Variants in RAB2A observed in about 807,000 individuals in gnomAD.
RAB2A encodes ras-related protein Rab-2A.
In RAB2A, 7 loss-of-function variants were observed where a neutral mutation model predicts 32.5. The ratio of observed to expected loss-of-function variants is 0.22; its 90% CI spans 0.12 to 0.40. The LOEUF (loss-of-function observed/expected upper bound fraction) is 0.40. Ranked by LOEUF, RAB2A falls within the 10% of genes least tolerant of loss-of-function variation. The pLI is 1.00. For missense variants in RAB2A, 108 were observed against 260.7 expected (o/e 0.41, Z 4.03); for synonymous variants, 79 against 85.2 (o/e 0.93, Z 0.40).
At chr8:60,599,574 G>A (rs1804095308) in intron 6 of RAB2A, among the ~76,000 whole-genome samples, 1 of 152,080 alleles carries the variant, frequency 6.6e-6, no homozygotes, top group African/African-American at 2.4e-5. Context: ...ACTGGTAAAG[G>A]GATAGACACA....
At chr8:60,537,227 A>AT (rs556291118) in intron 1 of RAB2A, among the ~76,000 whole-genome samples, 141 of 150,130 alleles carry the variant, frequency 9.4e-4, no homozygotes, top group African/African-American at 2.5e-3. Context: ...TTTTGTTATA[A>AT]TTTTTTTTTT....
At chr8:60,620,605 G>T (rs747244799) in intron 7 of RAB2A, 69 bp from the exon 8 acceptor site, 55 of 1,118,176 alleles carry the variant, frequency 4.9e-5, no homozygotes, top group Non-Finnish European at 7.4e-5. Context: ...AGAATTAAAT[G>T]AGTTTTTTAA....
chr8:60,612,091 A>G lies in RAB2A; in HGVS notation c.475-6489A>G, dbSNP rs527862327. Among the ~76,000 whole-genome samples, 8 of 152,220 alleles carry G rather than the reference A, an allele frequency of 5.3e-5. No homozygotes were observed. In the East Asian group the frequency reaches 1.5e-3, roughly 29 times the overall value. Reference sequence around the variant, plus strand: ...CTGTCATCTAGGTTTTAAGCCCCACATGCATTAGGTATTTGTCCTAATGCT... The same window carrying G: ...CTGTCATCTAGGTTTTAAGCCCCACGTGCATTAGGTATTTGTCCTAATGCT... On this transcript the variant is annotated intron_variant, in intron 6 of 7. Coordinates refer to ENST00000262646, the MANE Select transcript of RAB2A (RefSeq NM_002865.3).
At chr8:60,562,576 G>A (rs1303940933) in intron 2 of RAB2A, among the ~76,000 whole-genome samples, 1 of 152,076 alleles carries the variant, frequency 6.6e-6, no homozygotes, top group East Asian at 1.9e-4. Context: ...GAATGTAAAT[G>A]TGCTCTATAC....
At chr8:60,520,652 GT>G (rs1329449282) in intron 1 of RAB2A, among the ~76,000 whole-genome samples, 1 of 152,124 alleles carries the variant, frequency 6.6e-6, no homozygotes, top group Admixed American at 6.6e-5. Flanking sequence ...TCTTTTGAGA[GT>G]TTAACAAATC....
At chr8:60,571,889 C>T in intron 2 of RAB2A, among the ~76,000 whole-genome samples, 157 bp from the exon 3 acceptor site, 1 of 152,164 alleles carries the variant, frequency 6.6e-6, no homozygotes, top group South Asian at 2.1e-4. Context: ...TCTTCCTTAG[C>T]TTATGTATTT....
chr8:60,614,200 A>G (rs537214794), intron 6 of RAB2A, among the ~76,000 whole-genome samples: 2 of 105,036 alleles, frequency 1.9e-5, no homozygotes, highest in Admixed American at 1.9e-4. Context: ...TTAGCACAAT[A>G]TCCGTGAGAC....
intron 1 of RAB2A, among the ~76,000 whole-genome samples, chr8:60,547,579 C>T: frequency 7.9e-6 from 1 of 126,338 alleles, no homozygotes; most frequent in Non-Finnish European, 1.7e-5. Context: ...CAGAGGGGCT[C>T]CTCACTTCCC....
intron 6 of RAB2A, among the ~76,000 whole-genome samples, chr8:60,597,441 TGGG>T (rs1337528334): frequency 1.3e-5 from 2 of 151,916 alleles, no homozygotes; most frequent in African/African-American, 4.8e-5. Flanking sequence ...CAGGGCCTGT[TGGG>T]GGGTGGGGGC....
intron 3 of RAB2A, among the ~76,000 whole-genome samples, chr8:60,579,065 C>G (rs1030321542): frequency 3.3e-5 from 5 of 152,104 alleles, no homozygotes; most frequent in Non-Finnish European, 5.9e-5. Context: ...GTTTTTGAGA[C>G]AGAGTCCAGC....
chr8:60,517,136 G>A lies in RAB2A; in HGVS notation c.-72G>A. On this transcript the variant is annotated 5_prime_UTR_variant, in exon 1 of 8. Coordinates refer to ENST00000262646, the MANE Select transcript of RAB2A (RefSeq NM_002865.3). ...TGGCGTTTCGAGGCTGAGCGGCACC[G>A]GGGTTGGGGCGCGGAGGAGGAGCAG... is the stretch of plus-strand genomic sequence containing the variant. 7.0e-7 allele frequency: 1 copy of A among 1,426,908 alleles called. No individual in the cohort carries two copies. Among genetic ancestry groups the A allele is most frequent in the Non-Finnish European group, 9.3e-7 (1 of 1,079,176 alleles). The allele number at this position is 1,426,908 out of a possible 1,614,324, so 88.4% of individuals were successfully genotyped here. A position where few individuals can be genotyped will look rare whatever the true frequency, so the allele number is the denominator to read the frequency against.
chr8:60,546,929 G>C (rs1255449999), intron 1 of RAB2A, among the ~76,000 whole-genome samples: 1 of 139,288 alleles, frequency 7.2e-6, no homozygotes, highest in African/African-American at 2.7e-5. Context: ...GATCATTCTT[G>C]GGTGTTTCTC....
chr8:60,540,026 A>G (rs1240219742), intron 1 of RAB2A, among the ~76,000 whole-genome samples: 2 of 151,790 alleles, frequency 1.3e-5, no homozygotes, highest in Admixed American at 6.6e-5. Context: ...TTTGAACTCT[A>G]TTTTGTAGAC....
At chr8:60,569,922 G>C (rs563929127) in intron 2 of RAB2A, 1 of 455,762 alleles carries the variant, frequency 2.2e-6, no homozygotes, top group Non-Finnish European at 4.4e-6. Context: ...GGAACCTACA[G>C]TAAGTTGGAA....
intron 3 of RAB2A, among the ~76,000 whole-genome samples, chr8:60,581,854 A>G (rs1803761152): frequency 6.6e-6 from 1 of 152,098 alleles, no homozygotes; most frequent in African/African-American, 2.4e-5. Context: ...TAAAAAAATA[A>G]AAAATAATAA....
intron 1 of RAB2A, among the ~76,000 whole-genome samples, chr8:60,530,418 T>A (rs908608216): frequency 3.9e-5 from 6 of 152,034 alleles, no homozygotes; most frequent in Non-Finnish European, 8.8e-5. Flanking sequence ...AGTGCTGGGA[T>A]TACTAATGTG....
At chr8:60,596,650 C>T (rs570174422) in intron 6 of RAB2A, among the ~76,000 whole-genome samples, 75 of 152,158 alleles carry the variant, frequency 4.9e-4, no homozygotes, top group African/African-American at 1.3e-3. Context: ...CGGCCGGGCG[C>T]GGTGGCTCAT....
intron 6 of RAB2A, among the ~76,000 whole-genome samples, chr8:60,599,797 T>C (rs1162480144): frequency 1.3e-5 from 2 of 151,470 alleles, no homozygotes; most frequent in African/African-American, 4.8e-5. Flanking sequence ...ATGTAAAATA[T>C]GAACATATTT....
chr8:60,519,180 A>C (rs1807261690), intron 1 of RAB2A, among the ~76,000 whole-genome samples: 2 of 151,984 alleles, frequency 1.3e-5, no homozygotes, highest in Admixed American at 6.5e-5. Context: ...ACTTCTCCCT[A>C]CTCCAGTTCA....
Sources: gnomAD v4.1 joint callset for allele counts (sites outside exome capture counted in the v4.1 genomes callset) on GRCh38, gnomAD v4.1.1 for gene constraint, MANE v1.5 for transcripts, NCBI Gene and HGNC (gene_info 2026-07-23, HGNC 2026-07-21) for gene names.